The following FAM120A variants were observed in gnomAD, a reference collection of about 807,000 sequenced individuals.
FAM120A encodes the protein family with sequence similarity 120 member A.
In FAM120A, 15 loss-of-function variants were observed where a neutral mutation model predicts 109.7. The ratio of observed to expected loss-of-function variants is 0.14; its 90% CI spans 0.09 to 0.21. The LOEUF (loss-of-function observed/expected upper bound fraction) is 0.21, where lower values mean the gene tolerates loss of function less well. FAM120A is among the 10% of genes least tolerant of loss of function. FAM120A has a pLI of 1.00. For missense variants in FAM120A, 899 were observed against 1,439.3 expected, an observed-to-expected ratio of 0.62 and a Z score of 6.07; for synonymous variants, 493 against 572.8, an observed-to-expected ratio of 0.86 and a Z score of 1.99.
chr9:93,534,298 C>T (rs1003324246), intron 10 of FAM120A, among the ~76,000 whole-genome samples: 7 of 152,112 alleles, frequency 4.6e-5, no homozygotes, highest in African/African-American at 1.7e-4. Context: ...CCAGGGCAGG[C>T]CACAGCTTTC....
intron 10 of FAM120A, among the ~76,000 whole-genome samples, chr9:93,540,204 TG>T (rs1442097239): frequency 6.6e-6 from 1 of 152,190 alleles, no homozygotes; most frequent in Non-Finnish European, 1.5e-5. Flanking sequence ...CAGCCCTACC[TG>T]GCACACAGTA....
chr9:93,543,219 T>A lies in FAM120A; in HGVS notation c.1910-3T>A, dbSNP rs1861766637. 1 of 1,611,526 alleles carries A rather than the reference T, an allele frequency of 6.2e-7. No individual in the cohort carries two copies. Among genetic ancestry groups the A allele is most frequent in the African/African-American group, 1.3e-5 (1 of 74,792 alleles). On this transcript the variant is annotated splice_region_variant and splice_polypyrimidine_tract_variant and intron_variant, in intron 10 of 17. Coordinates refer to ENST00000277165, the MANE Select transcript of FAM120A (RefSeq NM_014612.5). ...TGTCTTCTCTGGCTTTTTTTTCCTG[T>A]AGTTTCACCAGTGATCATTAAAGAA...
intron 10 of FAM120A, among the ~76,000 whole-genome samples, chr9:93,541,873 G>A (rs972298938): frequency 1.3e-5 from 2 of 152,116 alleles, no homozygotes; most frequent in African/African-American, 4.8e-5. Flanking sequence ...ATGTATTTAA[G>A]CATTTTTTTT....
At chr9:93,518,784 C>T (rs116311833) in intron 7 of FAM120A, among the ~76,000 whole-genome samples, 3,565 of 152,216 alleles carry the variant, frequency 0.023, 62 homozygotes, top group Middle Eastern at 0.031. Context: ...AGGGCTGGGC[C>T]GTGCACAGCT....
At chr9:93,526,606 G>T (rs1254423427) in intron 7 of FAM120A, among the ~76,000 whole-genome samples, 2 of 151,638 alleles carry the variant, frequency 1.3e-5, no homozygotes, top group Non-Finnish European at 2.9e-5. Context: ...GTGCCATCTC[G>T]CTTTGCCTAG....
chr9:93,517,864 G>C (rs1370406462), intron 7 of FAM120A, among the ~76,000 whole-genome samples: 1 of 152,170 alleles, frequency 6.6e-6, no homozygotes, highest in Non-Finnish European at 1.5e-5. Context: ...GCTGAACTTG[G>C]AGTGAGTAGG....
rs188027704 is a variant in FAM120A, at chr9:93,458,414, C to T, written c.474+6025C>T. 5.3e-4 allele frequency among the ~76,000 whole-genome samples: 80 copies of T among 152,232 alleles called. 1 individual carries two copies. Among genetic ancestry groups the T allele is most frequent in the African/African-American group, 1.6e-3 (66 of 41,530 alleles). ...ATCATTCACTTCAGAGTTACACCCT[C>T]TACCACCATAGAGTCATGCTTGGTA... On this transcript the variant is annotated intron_variant, in intron 1 of 17. Transcript: ENST00000277165.
intron 1 of FAM120A, chr9:93,453,093 T>C: frequency 9.5e-7 from 1 of 1,055,374 alleles, no homozygotes; most frequent in Non-Finnish European, 1.1e-6. Context: ...TTCACGTCCG[T>C]GTGAAAGAGG....
At chr9:93,541,338 A>G (rs1039486763) in intron 10 of FAM120A, among the ~76,000 whole-genome samples, 1 of 151,946 alleles carries the variant, frequency 6.6e-6, no homozygotes, top group Non-Finnish European at 1.5e-5. Context: ...TGTGCATGGT[A>G]GTGGTGGTTG....
chr9:93,497,832 C>A (rs1230099054), intron 4 of FAM120A, among the ~76,000 whole-genome samples: 1 of 152,194 alleles, frequency 6.6e-6, no homozygotes, highest in Admixed American at 6.5e-5. Context: ...CCAGCTTTTC[C>A]AGGCTGAATA....
chr9:93,492,954 G>A (rs1318606029), intron 3 of FAM120A, among the ~76,000 whole-genome samples: 2 of 152,190 alleles, frequency 1.3e-5, no homozygotes, highest in Non-Finnish European at 2.9e-5. Context: ...TGTCTTGGGT[G>A]TAAGCCATCG....
chr9:93,453,697 C>G (rs1249890243), intron 1 of FAM120A: 8 of 890,352 alleles, frequency 9.0e-6, no homozygotes, highest in Non-Finnish European at 1.1e-5. Flanking sequence ...GGCAGACACA[C>G]AGCTGCCATT....
intron 1 of FAM120A, among the ~76,000 whole-genome samples, chr9:93,463,195 T>A (rs563304476): frequency 3.3e-4 from 50 of 152,318 alleles, no homozygotes; most frequent in South Asian, 1.2e-3. Context: ...TTCTTTTTTT[T>A]AAAAAAATAG....
chr9:93,486,392 ATAAT>A (rs1169285586), intron 3 of FAM120A, among the ~76,000 whole-genome samples: 2 of 152,192 alleles, frequency 1.3e-5, no homozygotes, highest in African/African-American at 4.8e-5. Flanking sequence ...GCAATTATAA[ATAAT>A]GTTGCTATGA....
chr9:93,508,852 G>A (rs1860184893), intron 5 of FAM120A, among the ~76,000 whole-genome samples: 1 of 152,122 alleles, frequency 6.6e-6, no homozygotes, highest in Admixed American at 6.5e-5. Flanking sequence ...CAGTTATTTT[G>A]AAAATACACA....
At chr9:93,558,142 GTTC>G (rs1862356711) in intron 14 of FAM120A, 132 bp downstream of exon 14, 1 of 959,064 alleles carries the variant, frequency 1.0e-6, no homozygotes, top group Non-Finnish European at 1.5e-6. Flanking sequence ...TGCAGCAGCA[GTTC>G]TTCAAGTCCG....
chr9:93,461,750 A>G (rs1857799804), intron 1 of FAM120A, among the ~76,000 whole-genome samples: 1 of 152,212 alleles, frequency 6.6e-6, no homozygotes, highest in African/African-American at 2.4e-5. Context: ...CAAATCTGAA[A>G]TGCTCCAAAA....
Position 93,558,623 on chromosome 9 carries a change from C to G in FAM120A, c.2711C>G (p.Thr904Arg). The G allele has an allele frequency of 6.2e-7, 1 of 1,614,222 alleles. No individual in the cohort carries two copies. Among genetic ancestry groups the G allele is most frequent in the Non-Finnish European group, 8.5e-7 (1 of 1,180,036 alleles). Residue 904 changes from threonine to arginine, a missense_variant, in exon 15 of 18, where the codon ACA (threonine) becomes AGA (arginine). By Grantham distance (71) the Thr-to-Arg change is moderately conservative. Coordinates refer to ENST00000277165, the MANE Select transcript of FAM120A (RefSeq NM_014612.5). Reference sequence around the variant, plus strand: ...GGCCCCTATGGGGAAACGGTAGCAACAGGCCCTTACCGTGCCTTCCGTGTG... The same window carrying G: ...GGCCCCTATGGGGAAACGGTAGCAAGAGGCCCTTACCGTGCCTTCCGTGTG... ...FGGPYGETVATGPYRAFRVAA... is the reference protein window; with the variant it reads ...FGGPYGETVARGPYRAFRVAA...
chr9:93,452,526 T>TGGCCG lies in FAM120A; in HGVS notation c.474+146_474+150dup. 1 of 1,557,906 alleles carries TGGCCG rather than the reference T, an allele frequency of 6.4e-7. No individual in the cohort carries two copies. Among genetic ancestry groups the TGGCCG allele is most frequent in the Non-Finnish European group, 8.6e-7 (1 of 1,157,382 alleles). On this transcript the variant is annotated intron_variant, in intron 1 of 17. Transcript: ENST00000277165. The surrounding 1 kb of genome is among the most constrained non-coding windows in gnomAD (Gnocchi z 7.0). ...CCCCCAGCCCTTGCCCGGGATAGCCTGGCCGGGCCGGGCTGCAAGATGGAT... is the reference window on the plus strand; with the variant it reads ...CCCCCAGCCCTTGCCCGGGATAGCCTGGCCGGGCCGGGCCGGGCTGCAAGATGGAT...
Sources: allele counts gnomAD v4.1 joint callset (sites outside exome capture counted in the v4.1 genomes callset), GRCh38; gene constraint gnomAD v4.1.1; non-coding constraint Gnocchi (gnomAD v3.1); transcripts MANE v1.5; gene names NCBI Gene and HGNC (gene_info 2026-07-23, HGNC 2026-07-21).